NEK11: variants seen among roughly 807,000 people sequenced by gnomAD.
NEK11 encodes the protein NIMA related kinase 11.
In NEK11, 72 loss-of-function variants were observed where a neutral mutation model predicts 80.7. That is an observed-to-expected ratio of 0.89 (90% CI 0.74 to 1.08). NEK11 has a LOEUF of 1.08. NEK11 is among the 50% of genes least tolerant of loss of function. NEK11 has a pLI of 0.00. For synonymous variants in NEK11, 251 were observed against 260.7 expected (o/e 0.96, Z 0.36); for missense variants, 764 against 763.6 (o/e 1.00, Z -0.01).
At chr3:131,043,341 A>G (rs965630429) in intron 3 of NEK11, among the ~76,000 whole-genome samples, 1 of 152,200 alleles carries the variant, frequency 6.6e-6, no homozygotes, top group Non-Finnish European at 1.5e-5. Context: ...TTCTAACCCA[A>G]TGCAAAGAAG....
chr3:131,274,899 C>A (rs1253809401), intron 17 of NEK11, among the ~76,000 whole-genome samples: 1 of 151,724 alleles, frequency 6.6e-6, no homozygotes, highest in Non-Finnish European at 1.5e-5. Flanking sequence ...GTGATCCACC[C>A]GCCTCGGCCT....
chr3:131,217,104 C>A (rs944224828), intron 14 of NEK11, among the ~76,000 whole-genome samples: 1 of 152,094 alleles, frequency 6.6e-6, no homozygotes, highest in African/African-American at 2.4e-5. Flanking sequence ...ACACAGTGTT[C>A]GAGGCCCAGC....
intron 11 of NEK11, among the ~76,000 whole-genome samples, chr3:131,163,539 G>A (rs1379596994): frequency 6.6e-6 from 1 of 151,952 alleles, no homozygotes. Context: ...ATCTTAAAAA[G>A]TTAAATTCAC....
At chr3:131,108,625 T>C (rs1352370113) in intron 4 of NEK11, among the ~76,000 whole-genome samples, 2 of 152,164 alleles carry the variant, frequency 1.3e-5, no homozygotes, top group African/African-American at 4.8e-5. Context: ...AAGGGCATTA[T>C]GTCAGACACT....
intron 17 of NEK11, among the ~76,000 whole-genome samples, chr3:131,343,708 A>T (rs1221966301): frequency 6.6e-6 from 1 of 152,214 alleles, no homozygotes; most frequent in East Asian, 1.9e-4. Context: ...GCCAGAGCTT[A>T]TGGCTTGCAC....
Position 131,162,479 on chromosome 3 carries a change from T to TGCGGCTGAGGAAGCTCCAG in NEK11, c.1043_1061dup (p.Asp354GlufsTer7). The TGCGGCTGAGGAAGCTCCAG allele has an allele frequency of 1.2e-6, 2 of 1,614,072 alleles. No individual in the cohort carries two copies. Among genetic ancestry groups the TGCGGCTGAGGAAGCTCCAG allele is most frequent in the Non-Finnish European group, 1.7e-6 (2 of 1,179,974 alleles). The stretch of plus-strand genomic sequence containing the variant: ...CAGAAAATGACGCCAAGAGAAAGGA[T>TGCGGCTGAGGAAGCTCCAG]GCGGCTGAGGAAGCTCCAGGCGGCT... On this transcript the variant is annotated frameshift_variant, in exon 11 of 18. Transcript: ENST00000383366. LOFTEE classifies it high-confidence loss of function.
intron 3 of NEK11, among the ~76,000 whole-genome samples, chr3:131,054,979 C>A (rs1027375260): frequency 6.6e-6 from 1 of 152,022 alleles, no homozygotes. Context: ...GCTTGCTTCA[C>A]CTTTCTTTCC....
At chr3:131,255,071 AGAAAGAAG>A (rs1461281451) in intron 16 of NEK11, among the ~76,000 whole-genome samples, 204 of 123,206 alleles carry the variant, frequency 1.7e-3, no homozygotes, top group South Asian at 5.0e-3. Context: ...ACAGACAGAC[AGAAAGAAG>A]GAAAGAAAGA....
At chr3:131,237,245 A>C (rs903112648) in intron 15 of NEK11, among the ~76,000 whole-genome samples, 1 of 152,116 alleles carries the variant, frequency 6.6e-6, no homozygotes, top group Non-Finnish European at 1.5e-5. Context: ...CTGAGGCAGG[A>C]ACATCACTTG....
intron 17 of NEK11, chr3:131,326,117 G>T (rs1175610447): frequency 6.6e-6 from 1 of 152,202 alleles, no homozygotes; most frequent in African/African-American, 2.4e-5. Flanking sequence ...CTCAGTAGGA[G>T]AGCTGGATTT....
rs200709914 is a variant in NEK11 at position 131,080,575 on chromosome 3, C to T, written c.323C>T (p.Thr108Met). The T allele has an allele frequency of 7.7e-5, 124 of 1,612,132 alleles. 1 individual carries two copies. Among genetic ancestry groups the T allele is most frequent in the Middle Eastern group, 1.7e-4 (1 of 6,048 alleles). The change falls in exon 4 of 18, where the codon ACG becomes ATG. Residue 108 changes from threonine (T) to methionine (M), a missense_variant. Transcript: ENST00000383366. ...GAGCAAGATAATTTCTGCATTATCACGGAGTACTGTGAGGTGAGACTCTCC... is the reference window on the plus strand; with the variant it reads ...GAGCAAGATAATTTCTGCATTATCATGGAGTACTGTGAGGTGAGACTCTCC... ...FVEQDNFCIITEYCEGRDLDD... is the reference protein window; with the variant it reads ...FVEQDNFCIIMEYCEGRDLDD...
At chr3:131,219,945 T>C (rs1007089604) in intron 14 of NEK11, among the ~76,000 whole-genome samples, 13 of 152,220 alleles carry the variant, frequency 8.5e-5, no homozygotes, top group Non-Finnish European at 1.5e-4. Flanking sequence ...GTAGCCCACC[T>C]GAGGTCACAC....
Position 131,228,589 on chromosome 3 carries a change from T to C in NEK11, c.1461T>C (p.Cys487=), listed in dbSNP as rs1050147922. The C allele has an allele frequency of 1.9e-6, 3 of 1,613,460 alleles. No individual in the cohort carries two copies. The highest frequency in any genetic ancestry group is 1.3e-5 in the African/African-American group (1 of 74,864). Residue 487 remains cysteine, a synonymous_variant, in exon 15 of 18, where the codon TGT becomes TGC. Coordinates refer to ENST00000383366, the MANE Select transcript of NEK11 (RefSeq NM_024800.5). ...EYYADAFDSY[C]EESDEEEEEI... ...ACGCTGATGCATTTGATTCCTATTG[T>C]GAAGAGAGTGATGAGGAGGAAGAAG...
intron 4 of NEK11, among the ~76,000 whole-genome samples, chr3:131,088,815 G>T (rs1267025329): frequency 5.3e-5 from 8 of 152,052 alleles, no homozygotes; most frequent in South Asian, 2.1e-4. Context: ...TTAGAAGCTG[G>T]TTTTTTTCTT....
chr3:131,069,117 C>T (rs1264706110), intron 3 of NEK11, among the ~76,000 whole-genome samples: 1 of 152,092 alleles, frequency 6.6e-6, no homozygotes, highest in Non-Finnish European at 1.5e-5. Flanking sequence ...AACTTTATTT[C>T]ATTAAAACCC....
At chr3:131,080,301 C>T (rs2075054699) in intron 3 of NEK11, 122 bp from the exon 4 acceptor site, 1 of 697,758 alleles carries the variant, frequency 1.4e-6, no homozygotes, top group Non-Finnish European at 2.3e-6. Context: ...TCATAATAGG[C>T]AATACCAGAT....
intron 16 of NEK11, among the ~76,000 whole-genome samples, chr3:131,252,297 A>G (rs1255582925): frequency 1.3e-5 from 2 of 152,250 alleles, no homozygotes; most frequent in South Asian, 4.1e-4. Context: ...CCTGCAGAGC[A>G]TGTCAAGATA....
chr3:131,317,665 C>T (rs1330898516), intron 17 of NEK11, among the ~76,000 whole-genome samples: 10 of 150,886 alleles, frequency 6.6e-5, no homozygotes, highest in South Asian at 2.1e-4. Flanking sequence ...GAGGCTGAGA[C>T]GGGAGAATTG....
At chr3:131,119,545 G>A (rs1031389249) in intron 5 of NEK11, among the ~76,000 whole-genome samples, 1 of 152,118 alleles carries the variant, frequency 6.6e-6, no homozygotes, top group Non-Finnish European at 1.5e-5. Flanking sequence ...CTGTCTTGTT[G>A]TTCTGCCTAA....
Sources: gnomAD v4.1 joint callset for allele counts (sites outside exome capture counted in the v4.1 genomes callset) on GRCh38, gnomAD v4.1.1 for gene constraint, MANE v1.5 for transcripts, NCBI Gene and HGNC (gene_info 2026-07-23, HGNC 2026-07-21) for gene names.